Variants in STIM1 observed in about 807,000 individuals in gnomAD.
STIM1 encodes the protein stromal interaction molecule 1.
Under a neutral mutation model 74.7 loss-of-function variants are expected in STIM1, and 25 were observed. The observed-to-expected ratio is 0.33, with a 90% CI of 0.24 to 0.47. The LOEUF (loss-of-function observed/expected upper bound fraction) is 0.47. STIM1 is among the 20% of genes least tolerant of loss of function. The pLI is 1.00. For synonymous variants in STIM1, 328 were observed against 348.8 expected, an observed-to-expected ratio of 0.94 and a Z score of 0.66; for missense variants, 728 against 920.8, an observed-to-expected ratio of 0.79 and a Z score of 2.71.
intron 1 of STIM1, among the ~76,000 whole-genome samples, chr11:3,934,051 C>G (rs1475716281): frequency 6.6e-6 from 1 of 152,140 alleles, no homozygotes; most frequent in Non-Finnish European, 1.5e-5. Context: ...GCCTCATCAT[C>G]TGGAGATTCT....
intron 7 of STIM1, among the ~76,000 whole-genome samples, chr11:4,081,601 C>T (rs1490193217): frequency 1.3e-5 from 2 of 152,236 alleles, no homozygotes; most frequent in Non-Finnish European, 2.9e-5. Flanking sequence ...GAGCTCTTCA[C>T]ATAACTCCCA....
chr11:4,052,957 G>T (rs977011412), intron 3 of STIM1, among the ~76,000 whole-genome samples: 1 of 152,212 alleles, frequency 6.6e-6, no homozygotes, highest in Non-Finnish European at 1.5e-5. Flanking sequence ...AGACATTTAT[G>T]CAGCCAACAG....
At chr11:3,883,422 C>T (rs1325968006) in intron 1 of STIM1, among the ~76,000 whole-genome samples, 1 of 152,208 alleles carries the variant, frequency 6.6e-6, no homozygotes, top group African/African-American at 2.4e-5. Context: ...ATGGCATGAT[C>T]TTGGCTCACT....
intron 3 of STIM1, among the ~76,000 whole-genome samples, chr11:4,024,756 C>G (rs187495821): frequency 1.2e-3 from 176 of 152,224 alleles, no homozygotes; most frequent in Middle Eastern, 0.01. Context: ...ATGAAAACTT[C>G]AGATTTCTGT....
At chr11:3,987,956 T>C (rs2093572869) in intron 2 of STIM1, among the ~76,000 whole-genome samples, 1 of 152,194 alleles carries the variant, frequency 6.6e-6, no homozygotes, top group Non-Finnish European at 1.5e-5. Context: ...TTTTACTCTC[T>C]TATATTCTTT....
At chr11:4,088,863 T>C in intron 12 of STIM1, 1 of 960,626 alleles carries the variant, frequency 1.0e-6, no homozygotes, top group Non-Finnish European at 1.6e-6. Flanking sequence ...CCCTCCTATA[T>C]CTCCCTAGGC....
intron 12 of STIM1, chr11:4,088,515 G>A: frequency 1.7e-6 from 1 of 574,286 alleles, no homozygotes; most frequent in Non-Finnish European, 3.2e-6. Context: ...TCATCCAAAA[G>A]CCTAGGAAGG....
rs184482312 is a variant in STIM1 at position 4,041,877 on chromosome 11, G to A, written c.386-13649G>A. 1.4e-4 allele frequency among the ~76,000 whole-genome samples: 21 copies of A among 152,230 alleles called. No individual in the cohort carries two copies. The East Asian group carries it at 1.7e-3, about 13-fold the overall frequency. ...ATTAGGATTATAGGTGTGAGCCACCGTGCTTGGCCAAAGCTCACATTCTTA... is the reference window on the plus strand; with the variant it reads ...ATTAGGATTATAGGTGTGAGCCACCATGCTTGGCCAAAGCTCACATTCTTA... On this transcript the variant is annotated intron_variant, in intron 3 of 12. Coordinates refer to ENST00000526596, the MANE Select transcript of STIM1 (RefSeq NM_001382567.1).
intron 3 of STIM1, among the ~76,000 whole-genome samples, chr11:4,051,197 C>T (rs1191748597): frequency 6.6e-6 from 1 of 152,178 alleles, no homozygotes; most frequent in Non-Finnish European, 1.5e-5. Context: ...TGCATCAACA[C>T]ACTTATAAAC....
intron 12 of STIM1, chr11:4,088,638 C>T (rs1043038631): frequency 8.2e-6 from 12 of 1,456,840 alleles, no homozygotes; most frequent in South Asian, 3.6e-5. Context: ...GGAGGAAGGG[C>T]GGAGAGGTAC....
At chr11:3,968,867 T>C (rs1158901411) in intron 2 of STIM1, among the ~76,000 whole-genome samples, 1 of 152,234 alleles carries the variant, frequency 6.6e-6, no homozygotes, top group Non-Finnish European at 1.5e-5. Flanking sequence ...GCTTTTTGCA[T>C]AGTTACTCTT....
chr11:4,079,072 A>T (rs951481507), intron 7 of STIM1, among the ~76,000 whole-genome samples: 1 of 152,228 alleles, frequency 6.6e-6, no homozygotes, highest in Non-Finnish European at 1.5e-5. Flanking sequence ...CGGGCGGATC[A>T]TGAAGTCAGG....
In STIM1 at chr11:3,895,667, TTTCTTTCC is replaced by T. The variant is rs1565104777; in HGVS notation, c.139+39262_139+39269del. 1.1e-3 allele frequency among the ~76,000 whole-genome samples: 41 copies of T among 37,488 alleles called. 1 individual carries two copies. The highest frequency in any genetic ancestry group is 6.2e-3 in the African/African-American group (39 of 6,282). 24.6% of individuals were successfully genotyped at this position (37,488 alleles called of 152,430 possible). On this transcript the variant is annotated intron_variant, in intron 1 of 12. Transcript: ENST00000526596. ...CTTTCTTTCTTTCTTTCTTTCTTTC[TTTCTTTCC>T]TTCCTTCCTTCTTTCTTTCTTTCTT...
chr11:3,968,300 A>G (rs1042728893), intron 2 of STIM1, among the ~76,000 whole-genome samples: 1 of 152,222 alleles, frequency 6.6e-6, no homozygotes, highest in Admixed American at 6.5e-5. Flanking sequence ...GAATAAGGTC[A>G]TTATGTGTGA....
intron 8 of STIM1, 101 bp downstream of exon 8, chr11:4,082,452 G>C: frequency 8.1e-7 from 1 of 1,238,818 alleles, no homozygotes; most frequent in Non-Finnish European, 1.2e-6. Context: ...CCTCCCATTG[G>C]GTGAAGAGAT....
At chr11:4,076,576 T>C (rs1430582163) in intron 7 of STIM1, among the ~76,000 whole-genome samples, 2 of 151,550 alleles carry the variant, frequency 1.3e-5, no homozygotes, top group Admixed American at 6.6e-5. Flanking sequence ...CCCAAGATAT[T>C]TCCCTAAATT....
chr11:3,910,717 C>T (rs12286851), intron 1 of STIM1, among the ~76,000 whole-genome samples: 70,971 of 151,632 alleles, frequency 0.47, 17,345 homozygotes, highest in African/African-American at 0.62. Context: ...CGAGGTGGCT[C>T]ATGCCTGTAA....
rs1451829112 is a variant in STIM1 at position 4,091,762 on chromosome 11, T to G, written c.2115T>G (p.Phe705Leu). ...ACTCCAGCCCAGGCCGGAAGAAGTT[T>G]CCCCTCAAAATCTTTAAGAAGCCTC... ...ETDSSPGRKK[F>L]PLKIFKKPLK... is the part of the protein sequence containing the mutation. The change falls in exon 13 of 13, where the codon TTT becomes TTG. Residue 705 changes from phenylalanine (F) to leucine (L), a missense_variant. By Grantham distance (22) the Phe-to-Leu change is conservative. Coordinates refer to ENST00000526596, the MANE Select transcript of STIM1 (RefSeq NM_001382567.1). 1 of 1,610,292 alleles carries G rather than the reference T, an allele frequency of 6.2e-7. No individual in the cohort carries two copies. The highest frequency in any genetic ancestry group is 2.2e-5 in the East Asian group (1 of 44,878).
chr11:3,982,512 G>A (rs762393606), intron 2 of STIM1, among the ~76,000 whole-genome samples: 1 of 152,172 alleles, frequency 6.6e-6, no homozygotes, highest in Non-Finnish European at 1.5e-5. Context: ...TTGCTATGAT[G>A]TACTAGGCTT....
Sources: gnomAD v4.1 joint callset for allele counts (sites outside exome capture counted in the v4.1 genomes callset) on GRCh38, gnomAD v4.1.1 for gene constraint, MANE v1.5 for transcripts, NCBI Gene and HGNC (gene_info 2026-07-23, HGNC 2026-07-21) for gene names.